The following ABCG5 variants were observed in gnomAD, a reference collection of about 807,000 sequenced individuals.
ABCG5 encodes ATP-binding cassette sub-family G member 5.
Under a neutral mutation model 64.5 loss-of-function variants are expected in ABCG5, and 64 were observed. The ratio of observed to expected loss-of-function variants is 0.99; its 90% CI spans 0.81 to 1.22. ABCG5 has a LOEUF of 1.22. Among genes scored for constraint, ABCG5 ranks in the 50% most tolerant of loss-of-function variants. ABCG5 has a pLI of 0.00. For missense variants in ABCG5, 908 were observed against 829.5 expected, an observed-to-expected ratio of 1.09 and a Z score of -1.16; for synonymous variants, 385 against 326.3, an observed-to-expected ratio of 1.18 and a Z score of -1.94.
At position 43,824,433 on chromosome 2, in the gene ABCG5, C is replaced by G. The variant is rs1268790878; in HGVS notation, c.905-1G>C. Reference sequence around the variant, plus strand: ...TGGGTATCCACTGACGTCAGGTCCACTAAAAGTTTTTCCCAAAAGATGTCA... The same window carrying G: ...TGGGTATCCACTGACGTCAGGTCCAGTAAAAGTTTTTCCCAAAAGATGTCA... On this transcript the variant is annotated splice_acceptor_variant, in intron 7 of 12. Transcript: ENST00000405322. LOFTEE classifies it high-confidence loss of function. The G allele has an allele frequency of 6.2e-7, 1 of 1,613,650 alleles. No individual in the cohort carries two copies. The highest frequency in any genetic ancestry group is 8.5e-7 in the Non-Finnish European group (1 of 1,180,030).
chr2:43,813,709 G>GTTTTTTTTTTTTTTT lies in ABCG5; in HGVS notation c.1763-415_1763-401dup, dbSNP rs1214033245. On this transcript the variant is annotated intron_variant, in intron 12 of 12. Transcript: ENST00000405322. Reference sequence around the variant, plus strand: ...TGTTTTTTTTGGGGTTTTTTTTTTCGTTTTTTTTTTTTTTTTTTTTTTTTT... The same window carrying GTTTTTTTTTTTTTTT: ...TGTTTTTTTTGGGGTTTTTTTTTTCGTTTTTTTTTTTTTTTTTTTTTTTTTTTTTTTTTTTTTTTT... 2.9e-3 allele frequency among the ~76,000 whole-genome samples: 98 copies of GTTTTTTTTTTTTTTT among 34,058 alleles called. 2 individuals carry two copies. The highest frequency in any genetic ancestry group is 3.4e-3 in the Non-Finnish European group (63 of 18,616). The allele number at this position is 34,058 out of a possible 152,430, so 22.3% of individuals were successfully genotyped here. A position where few individuals can be genotyped will look rare whatever the true frequency, so the allele number is the denominator to read the frequency against.
intron 12 of ABCG5, among the ~76,000 whole-genome samples, chr2:43,814,069 G>A (rs78584484): frequency 0.01 from 1,541 of 152,112 alleles, 15 homozygotes; most frequent in Non-Finnish European, 0.015. Context: ...ACTTCCATCT[G>A]GTGGGATTGA....
chr2:43,816,145 G>A (rs913264111), intron 11 of ABCG5, among the ~76,000 whole-genome samples: 1 of 152,194 alleles, frequency 6.6e-6, no homozygotes, highest in South Asian at 2.1e-4. Flanking sequence ...GATTTGGTGA[G>A]TGATGCAGTG....
chr2:43,839,210 C>G (rs1668470557), upstream of ABCG5: 11 of 1,325,632 alleles, frequency 8.3e-6, no homozygotes, highest in African/African-American at 1.5e-5. Context: ...TGTCCTAGCA[C>G]CACCCGGACA....
chr2:43,818,056 A>T lies in ABCG5; in HGVS notation c.1649+1859T>A, dbSNP rs536414488. Among the ~76,000 whole-genome samples the T allele has an allele frequency of 6.9e-4, 105 of 152,326 alleles. 1 individual carries two copies. Among genetic ancestry groups the T allele is most frequent in the African/African-American group, 2.4e-3 (101 of 41,574 alleles). Reference sequence around the variant, plus strand: ...TCATCTAACACAAAGCCTATTTTATAATAAATTGTTGAATATTTAATGTAA... The same window carrying T: ...TCATCTAACACAAAGCCTATTTTATTATAAATTGTTGAATATTTAATGTAA... On this transcript the variant is annotated intron_variant, in intron 11 of 12. Coordinates refer to ENST00000405322, the MANE Select transcript of ABCG5 (RefSeq NM_022436.3).
intron 4 of ABCG5, among the ~76,000 whole-genome samples, chr2:43,830,352 G>A (rs997602014): frequency 6.6e-6 from 1 of 152,212 alleles, no homozygotes; most frequent in Admixed American, 6.5e-5. Context: ...CATTCTTATT[G>A]TATTTTTTAT....
At chr2:43,822,699 G>C in intron 10 of ABCG5, 98 bp downstream of exon 10, 3 of 1,510,056 alleles carry the variant, frequency 2.0e-6, no homozygotes, top group Non-Finnish European at 2.7e-6. Context: ...AGATCCTCCA[G>C]AGCAGAGAAC....
At chr2:43,814,359 CAG>C (rs1213441690) in intron 12 of ABCG5, 116 bp downstream of exon 12, 10 of 720,010 alleles carry the variant, frequency 1.4e-5, no homozygotes, top group East Asian at 5.5e-5. Context: ...TATTTCAAAA[CAG>C]AGTTTTAAAT....
Position 43,831,998 on chromosome 2 carries a change from G to A in ABCG5, c.351C>T (p.Gly117=). ...GTFLGEVYVN[G]RALRREQFQD... ...GGAACTGCTCCCGGCGCAGCGCCCG[G>A]CCGTTCACATACACCTCCCCCAGGA... The change falls in exon 3 of 13, where the codon GGC becomes GGT. Residue 117 remains glycine (G), a synonymous_variant. Transcript: ENST00000405322. 6.4e-7 allele frequency: 1 copy of A among 1,558,272 alleles called. No homozygotes were observed. The highest frequency in any genetic ancestry group is 8.7e-7 in the Non-Finnish European group (1 of 1,151,158).
At position 43,828,107 on chromosome 2, in the gene ABCG5, G is replaced by A. The variant is rs147061424; in HGVS notation, c.510C>T (p.Ala170=). ...NPGSFQKKVE[A]VMAELSLSHV... ...GGCTCAGACTCAGCTCTGCCATGAC[G>A]GCCTCCACCTGCAGGAGACACAAAT... The change falls in exon 5 of 13, where the codon GCC becomes GCT. Residue 170 remains alanine, a synonymous_variant. Transcript: ENST00000405322. The A allele has an allele frequency of 1.2e-4, 191 of 1,613,970 alleles. No homozygotes were observed. The African/African-American group carries it at 2.2e-3, about 19-fold the overall frequency.
chr2:43,819,538 T>C (rs1457759198), intron 11 of ABCG5, among the ~76,000 whole-genome samples: 2 of 152,006 alleles, frequency 1.3e-5, no homozygotes, highest in African/African-American at 4.8e-5. Context: ...AATTGAGAAC[T>C]GCAGTTCACA....
chr2:43,827,325 CAA>C (rs1174987300), intron 5 of ABCG5, among the ~76,000 whole-genome samples: 22 of 112,202 alleles, frequency 2.0e-4, no homozygotes, highest in Admixed American at 3.8e-4. Flanking sequence ...AACTCTGTCT[CAA>C]AAAAAAAAAA....
chr2:43,830,388 T>C (rs1667888859), intron 4 of ABCG5, among the ~76,000 whole-genome samples: 1 of 152,250 alleles, frequency 6.6e-6, no homozygotes, highest in South Asian at 2.1e-4. Context: ...GTTCCATAAC[T>C]TGCCCAAGAT....
At position 43,826,497 on chromosome 2, in the gene ABCG5, G is replaced by T; in HGVS notation, c.659C>A (p.Thr220Asn). The T allele has an allele frequency of 7.4e-6, 12 of 1,614,198 alleles. No individual in the cohort carries two copies. The highest frequency in any genetic ancestry group is 8.5e-6 in the Non-Finnish European group (10 of 1,180,038). Residue 220 changes from threonine to asparagine, a missense_variant, in exon 6 of 13, where the codon ACC becomes AAC. Coordinates refer to ENST00000405322, the MANE Select transcript of ABCG5 (RefSeq NM_022436.3). The stretch of plus-strand genomic sequence containing the variant: ...AGCAGTCATGCAGTCCAGGCCTGTG[G>T]TTGGCTCATCAAACAGCATGACCTC... ...DPKVMLFDEP[T>N]TGLDCMTANQ...
intron 10 of ABCG5, among the ~76,000 whole-genome samples, chr2:43,822,079 A>AT (rs1035444552): frequency 6.6e-6 from 1 of 152,112 alleles, no homozygotes; most frequent in Non-Finnish European, 1.5e-5. Flanking sequence ...TAAAATAACC[A>AT]TTTTTTGAAC....
chr2:43,811,249 G>A (rs967524448), downstream of ABCG5, among the ~76,000 whole-genome samples: 1 of 152,216 alleles, frequency 6.6e-6, no homozygotes, highest in East Asian at 1.9e-4. Flanking sequence ...AAGACATTGT[G>A]TAACTATTAC....
intron 10 of ABCG5, chr2:43,822,419 C>G (rs1418514573): frequency 1.4e-6 from 1 of 708,062 alleles, no homozygotes; most frequent in Non-Finnish European, 1.7e-6. Flanking sequence ...CCTCTTCCCA[C>G]CCTCTGAATG....
At chr2:43,829,405 AC>A (rs1393646465) in intron 4 of ABCG5, among the ~76,000 whole-genome samples, 1 of 152,102 alleles carries the variant, frequency 6.6e-6, no homozygotes, top group Non-Finnish European at 1.5e-5. Context: ...CCAATTTATA[AC>A]CCCCAGCCAC....
chr2:43,830,078 C>T (rs567688603), intron 4 of ABCG5, among the ~76,000 whole-genome samples: 9 of 152,304 alleles, frequency 5.9e-5, no homozygotes, highest in African/African-American at 2.2e-4. Flanking sequence ...GGTAGATTCC[C>T]GAGCCTCCTT....
Sources: allele counts gnomAD v4.1 joint callset (sites outside exome capture counted in the v4.1 genomes callset), GRCh38; gene constraint gnomAD v4.1.1; transcripts MANE v1.5; gene names NCBI Gene and HGNC (gene_info 2026-07-23, HGNC 2026-07-21).